Variants in NRXN3 observed in about 807,000 individuals in gnomAD.
NRXN3 encodes the protein neurexin 3.
NRXN3 carries 32 observed loss-of-function variants against 137.6 expected under a neutral mutation model. The observed-to-expected ratio is 0.23, with a 90% CI of 0.18 to 0.31. NRXN3 has a LOEUF of 0.31. Ranked by LOEUF, NRXN3 falls within the 10% of genes least tolerant of loss-of-function variation. NRXN3 has a pLI of 1.00. For missense variants in NRXN3, 1,574 were observed against 2,062.5 expected (o/e 0.76, Z 4.59); for synonymous variants, 798 against 784.5 (o/e 1.02, Z -0.29).
intron 15 of NRXN3, among the ~76,000 whole-genome samples, chr14:79,149,655 A>G (rs2153027125): frequency 6.6e-6 from 1 of 152,214 alleles, no homozygotes. Context: ...GTACATATAC[A>G]CCATGGAATA....
chr14:79,226,812 T>G (rs1315469631), intron 15 of NRXN3, among the ~76,000 whole-genome samples: 1 of 112,064 alleles, frequency 8.9e-6, no homozygotes, highest in East Asian at 2.9e-4. Context: ...CATCCTTTTT[T>G]TCTTTTTTTT....
At chr14:79,090,598 C>T (rs1274932095) in intron 15 of NRXN3, among the ~76,000 whole-genome samples, 1 of 152,034 alleles carries the variant, frequency 6.6e-6, no homozygotes, top group Non-Finnish European at 1.5e-5. Flanking sequence ...CTTCTGTCAC[C>T]ATGGCTTCAT....
chr14:79,727,692 A>G (rs2098899629), intron 19 of NRXN3, among the ~76,000 whole-genome samples: 3 of 152,140 alleles, frequency 2.0e-5, no homozygotes, highest in South Asian at 2.1e-4. Context: ...ACTTTACTTC[A>G]TCTACTGTGA....
chr14:78,216,817 C>G, intron 1 of NRXN3, among the ~76,000 whole-genome samples: 3 of 152,182 alleles, frequency 2.0e-5, no homozygotes, highest in African/African-American at 7.2e-5. Context: ...CTCGCCTCTT[C>G]TCGGCTTCTG....
intron 4 of NRXN3, among the ~76,000 whole-genome samples, chr14:78,639,109 G>A (rs2097592002): frequency 6.6e-6 from 1 of 152,206 alleles, no homozygotes; most frequent in African/African-American, 2.4e-5. Flanking sequence ...GAGTAAATGA[G>A]TTCACAGGCT....
At chr14:78,916,650 G>T (rs553828667) in intron 10 of NRXN3, among the ~76,000 whole-genome samples, 160 of 152,310 alleles carry the variant, frequency 1.1e-3, no homozygotes, top group Middle Eastern at 0.01. Flanking sequence ...ATGTACATGT[G>T]GTGGGGAATT....
intron 20 of NRXN3, among the ~76,000 whole-genome samples, chr14:79,811,716 G>A (rs560520835): frequency 2.0e-5 from 3 of 151,134 alleles, no homozygotes; most frequent in Admixed American, 2.0e-4. Context: ...TGAGTAGCTG[G>A]GACTACAGAC....
chr14:79,846,414 C>T (rs534840644), intron 20 of NRXN3, among the ~76,000 whole-genome samples: 2 of 152,292 alleles, frequency 1.3e-5, no homozygotes, highest in African/African-American at 4.8e-5. Context: ...AAAAACCAAA[C>T]TTTCAAGATG....
At chr14:78,668,922 A>ATCTG (rs1168921041) in intron 6 of NRXN3, among the ~76,000 whole-genome samples, 1 of 140,910 alleles carries the variant, frequency 7.1e-6, no homozygotes, top group Non-Finnish European at 1.5e-5. Flanking sequence ...ATTAAACTCT[A>ATCTG]TCTATCTATC....
At position 78,497,223 on chromosome 14, in the gene NRXN3, T is replaced by C. The variant is rs76698582; in HGVS notation, c.758-147897T>C. Among the ~76,000 whole-genome samples the C allele has an allele frequency of 9.7e-3, 1,475 of 152,224 alleles. 20 individuals are homozygous for C. The highest frequency in any genetic ancestry group is 0.031 in the Middle Eastern group (9 of 294). On this transcript the variant is annotated intron_variant, in intron 4 of 20. Transcript: ENST00000335750. ...AGGAAAAGGACAGTAGAAACGGTAA[T>C]ACATTTTACTCTTGAGCATAAGTTT...
At position 79,431,455 on chromosome 14, in the gene NRXN3, C is replaced by T. The variant is rs2095752928; in HGVS notation, c.3263-35766C>T. ...AGTCTTTTAAGAGATTAGAGTACTA[C>T]ACTGTCTACATTTAACCAGGTGTCA... On this transcript the variant is annotated intron_variant, in intron 15 of 20. Transcript: ENST00000335750. 2.0e-5 allele frequency among the ~76,000 whole-genome samples: 3 copies of T among 152,150 alleles called. No individual in the cohort carries two copies. In the South Asian group the frequency reaches 6.2e-4, roughly 31 times the overall value.
At chr14:78,798,979 T>C (rs2098830810) in intron 8 of NRXN3, among the ~76,000 whole-genome samples, 1 of 152,202 alleles carries the variant, frequency 6.6e-6, no homozygotes, top group Non-Finnish European at 1.5e-5. Context: ...TGTTTCCTCC[T>C]AGCTTCTGGG....
chr14:79,191,882 T>C (rs2064383784), intron 15 of NRXN3, among the ~76,000 whole-genome samples: 1 of 151,976 alleles, frequency 6.6e-6, no homozygotes, highest in Non-Finnish European at 1.5e-5. Context: ...ACTTCACAAA[T>C]AGATAAGGTG....
chr14:79,178,256 A>C (rs906121869), intron 15 of NRXN3, among the ~76,000 whole-genome samples: 3 of 152,176 alleles, frequency 2.0e-5, no homozygotes, highest in Non-Finnish European at 4.4e-5. Context: ...CTTACATGCA[A>C]TTTTTTTAAA....
chr14:78,319,589 A>G (rs1055340819), intron 4 of NRXN3, among the ~76,000 whole-genome samples: 1 of 152,190 alleles, frequency 6.6e-6, no homozygotes, highest in South Asian at 2.1e-4. Context: ...GCCCAAATTT[A>G]TCAGGGCTTG....
At position 79,223,586 on chromosome 14, in the gene NRXN3, A is replaced by T. The variant is rs1465195723; in HGVS notation, c.3262+235445A>T. On this transcript the variant is annotated intron_variant, in intron 15 of 20. Coordinates refer to ENST00000335750, the MANE Select transcript of NRXN3 (RefSeq NM_001330195.2). Reference sequence around the variant, plus strand: ...TTTAAATCACATTTCTTATAAGAAAAAAATGGTGTTTACTCAAATGAATGT... The same window carrying T: ...TTTAAATCACATTTCTTATAAGAAATAAATGGTGTTTACTCAAATGAATGT... Among the ~76,000 whole-genome samples, 12 of 151,480 alleles carry T rather than the reference A, an allele frequency of 7.9e-5. No homozygotes were observed. The East Asian group carries it at 2.3e-3, about 30-fold the overall frequency.
intron 4 of NRXN3, among the ~76,000 whole-genome samples, chr14:78,371,260 C>G (rs1597886703): frequency 1.3e-5 from 2 of 152,206 alleles, no homozygotes; most frequent in East Asian, 3.9e-4. Context: ...GAAGAAGCAA[C>G]TGGGTGTCAG....
At chr14:79,134,795 A>G (rs1193919646) in intron 15 of NRXN3, among the ~76,000 whole-genome samples, 1 of 152,362 alleles carries the variant, frequency 6.6e-6, no homozygotes, top group South Asian at 2.1e-4. Flanking sequence ...GTTGTCCATT[A>G]GCAGAACGAA....
At chr14:79,257,704 A>G (rs1437400059) in intron 15 of NRXN3, among the ~76,000 whole-genome samples, 1 of 151,100 alleles carries the variant, frequency 6.6e-6, no homozygotes, top group African/African-American at 2.4e-5. Context: ...GAGAAGTAAG[A>G]CAAATTAGAC....
Sources: allele counts gnomAD v4.1 joint callset (sites outside exome capture counted in the v4.1 genomes callset), GRCh38; gene constraint gnomAD v4.1.1; transcripts MANE v1.5; gene names NCBI Gene and HGNC (gene_info 2026-07-23, HGNC 2026-07-21).